Variants in PWWP2B observed in about 807,000 individuals in gnomAD.
PWWP2B encodes the protein PWWP domain containing 2B, also known as PWWP domain-containing protein 2B.
Under a neutral mutation model 15.5 loss-of-function variants are expected in PWWP2B, and 9 were observed. The observed-to-expected ratio is 0.58, with a 90% confidence interval of 0.35 to 1.02. PWWP2B has a LOEUF of 1.02. PWWP2B is among the 50% of genes least tolerant of loss of function. PWWP2B has a pLI of 0.02. For missense variants in PWWP2B, 864 were observed against 865.3 expected (o/e 1.00, Z 0.02); for synonymous variants, 474 against 403.6 (o/e 1.17, Z -2.09).
At position 132,405,166 on chromosome 10, in the gene PWWP2B, G is replaced by A; in HGVS notation, c.666G>A (p.Glu222=). 6.4e-7 allele frequency: 1 copy of A among 1,550,616 alleles called. No individual in the cohort carries two copies. The highest frequency in any genetic ancestry group is 8.7e-7 in the Non-Finnish European group (1 of 1,147,558). The change falls in exon 2 of 3, where the codon GAG becomes GAA. Residue 222 remains glutamate (E), a synonymous_variant. Transcript: ENST00000305233. The part of the protein sequence containing the change: ...LRKPEEPENG[E]PTAAATARRS... ...AGCCGGAGGAGCCGGAGAACGGCGA[G>A]CCCACGGCTGCGGCCACCGCCAGGA... is the stretch of plus-strand genomic sequence containing the variant.
At chr10:132,400,206 G>C (rs1381819098) in intron 1 of PWWP2B, among the ~76,000 whole-genome samples, 1 of 152,174 alleles carries the variant, frequency 6.6e-6, no homozygotes, top group African/African-American at 2.4e-5. Flanking sequence ...CTGCCCTTGG[G>C]GAGTGAGAGG....
In PWWP2B at chr10:132,405,542, G is replaced by C. The variant is rs751347680; in HGVS notation, c.1042G>C (p.Val348Leu). 30 of 1,604,416 alleles carry C rather than the reference G, an allele frequency of 1.9e-5. No homozygotes were observed. The highest frequency in any genetic ancestry group is 2.3e-5 in the Non-Finnish European group (27 of 1,178,942). Reference sequence around the variant, plus strand: ...TCTGGGGGACAGCGAGCACGAGCCCGTGTACCGGGCCGAGCTGGTGGGGGA... The same window carrying C: ...TCTGGGGGACAGCGAGCACGAGCCCCTGTACCGGGCCGAGCTGGTGGGGGA... ...HRLGDSEHEP[V>L]YRAELVGELN... The change falls in exon 2 of 3, where the codon GTG becomes CTG. Residue 348 changes from valine to leucine, a missense_variant. This residue lies in a region of PWWP2B where 736 missense variants were observed against 687.7 expected (regional missense o/e 1.07). Coordinates refer to ENST00000305233, the MANE Select transcript of PWWP2B (RefSeq NM_138499.4).
At chr10:132,404,555 C>A in intron 1 of PWWP2B, 71 bp from the exon 2 acceptor site, 1 of 1,378,924 alleles carries the variant, frequency 7.3e-7, no homozygotes, top group East Asian at 2.3e-5. Context: ...GGCCTTGGCT[C>A]TGGGGGCTGG....
At position 132,411,774 on chromosome 10, in the gene PWWP2B, G is replaced by A. The variant is rs145225358; in HGVS notation, c.*17-5287G>A. The stretch of plus-strand genomic sequence containing the variant: ...GAGTCTCCGGGCCAGAAGCAGCGAC[G>A]CCGCCGTCTCCAGGCTTCGGCTTTT... On this transcript the variant is annotated intron_variant, in intron 2 of 2. Transcript: ENST00000305233. Among the ~76,000 whole-genome samples the A allele has an allele frequency of 1.8e-3, 279 of 152,366 alleles. 2 individuals carry two copies. The highest frequency in any genetic ancestry group is 6.6e-3 in the African/African-American group (273 of 41,592).
At chr10:132,416,937 G>C (rs1034833216) in intron 2 of PWWP2B, 124 bp from the exon 3 acceptor site, 2 of 973,544 alleles carry the variant, frequency 2.1e-6, no homozygotes, top group Non-Finnish European at 3.3e-6. Context: ...CTGGGGGGCG[G>C]TGGAGGTCCC....
Position 132,406,243 on chromosome 10 carries a change from C to A in PWWP2B, c.1743C>A (p.Ile581=), listed in dbSNP as rs2069697097. The A allele has an allele frequency of 1.9e-6, 3 of 1,611,188 alleles. No individual in the cohort carries two copies. Among genetic ancestry groups the A allele is most frequent in the Non-Finnish European group, 2.5e-6 (3 of 1,178,462 alleles). Residue 581 remains isoleucine (I), a synonymous_variant, in exon 2 of 3, where the codon ATC becomes ATA. Transcript: ENST00000305233. ...ANAARHVAPE[I]RELLTQFET ...CCGCAAGACACGTGGCCCCGGAAAT[C>A]AGGGAGCTCTTAACCCAGTTTGAAA...
At chr10:132,414,782 C>T (rs762545184) in intron 2 of PWWP2B, among the ~76,000 whole-genome samples, 3 of 152,196 alleles carry the variant, frequency 2.0e-5, no homozygotes, top group South Asian at 4.1e-4. Context: ...ACAGAATCTG[C>T]GGGGTCGGAG....
At chr10:132,404,430 C>A (rs761863902) in intron 1 of PWWP2B, among the ~76,000 whole-genome samples, 196 bp from the exon 2 acceptor site, 8 of 152,160 alleles carry the variant, frequency 5.3e-5, no homozygotes, top group Non-Finnish European at 1.0e-4. Context: ...TCTTGCCCTG[C>A]TGTGTCCAAC....
chr10:132,408,294 C>T (rs960698080), intron 2 of PWWP2B, among the ~76,000 whole-genome samples: 9 of 152,350 alleles, frequency 5.9e-5, no homozygotes, highest in South Asian at 4.1e-4. Flanking sequence ...TGGGATCTCC[C>T]GCCCTCTGTG....
chr10:132,404,034 A>AGGACGGCATTCTTCT (rs2069647710), intron 1 of PWWP2B, among the ~76,000 whole-genome samples: 1 of 58,636 alleles, frequency 1.7e-5, no homozygotes, highest in African/African-American at 8.2e-5. Flanking sequence ...GGCATTCTCC[A>AGGACGGCATTCTTCT]GGGCTCCTGC....
intron 1 of PWWP2B, among the ~76,000 whole-genome samples, chr10:132,402,456 C>G (rs2069626625): frequency 6.6e-6 from 1 of 152,268 alleles, no homozygotes. Context: ...CCCCCAACAG[C>G]AAGGGGCCGT....
chr10:132,410,341 G>T (rs35169962), intron 2 of PWWP2B, among the ~76,000 whole-genome samples: 70,476 of 151,570 alleles, frequency 0.46, 16,643 homozygotes, highest in Non-Finnish European at 0.49. Context: ...CATCGGGGGG[G>T]ACCTGGGCCA....
intron 2 of PWWP2B, among the ~76,000 whole-genome samples, chr10:132,415,984 C>T (rs2069849317): frequency 1.3e-5 from 2 of 152,260 alleles, no homozygotes; most frequent in African/African-American, 4.8e-5. Flanking sequence ...TCACACGGCA[C>T]ACGCCTGCAG....
At chr10:132,410,765 C>T (rs1024952737) in intron 2 of PWWP2B, among the ~76,000 whole-genome samples, 23 of 152,196 alleles carry the variant, frequency 1.5e-4, no homozygotes, top group Non-Finnish European at 2.2e-4. Flanking sequence ...CGTGCTCCAC[C>T]GACGTGCGGA....
At position 132,405,545 on chromosome 10, in the gene PWWP2B, T is replaced by C; in HGVS notation, c.1045T>C (p.Tyr349His). ...GGGGGACAGCGAGCACGAGCCCGTG[T>C]ACCGGGCCGAGCTGGTGGGGGAGCT... ...RLGDSEHEPV[Y>H]RAELVGELNG... The change falls in exon 2 of 3, where the codon TAC becomes CAC. Residue 349 changes from tyrosine to histidine, a missense_variant. Tyr to His is a moderately conservative substitution (Grantham distance 83). This residue lies in a region of PWWP2B where 736 missense variants were observed against 687.7 expected (regional missense o/e 1.07). Coordinates refer to ENST00000305233, the MANE Select transcript of PWWP2B (RefSeq NM_138499.4). 1 of 1,604,796 alleles carries C rather than the reference T, an allele frequency of 6.2e-7. No homozygotes were observed. Among genetic ancestry groups the C allele is most frequent in the Non-Finnish European group, 8.5e-7 (1 of 1,178,928 alleles).
chr10:132,398,022 C>T (rs1383519212), intron 1 of PWWP2B, among the ~76,000 whole-genome samples: 1 of 152,172 alleles, frequency 6.6e-6, no homozygotes, highest in East Asian at 1.9e-4. Context: ...TGCAGGGACC[C>T]ATGCGGTGCA....
intron 2 of PWWP2B, among the ~76,000 whole-genome samples, chr10:132,407,194 G>C (rs2069712509): frequency 6.6e-6 from 1 of 152,152 alleles, no homozygotes; most frequent in Non-Finnish European, 1.5e-5. Flanking sequence ...AGCTCCAGAG[G>C]CCTTCTCAGC....
rs777738727 is a variant in PWWP2B, at chr10:132,406,070, C to T, written c.1570C>T (p.Arg524Ter). ...GQKEDGEPSWREAKVSWFGSP... is the reference protein window; with the variant it reads ...GQKEDGEPSW ...GAAGGAGGACGGAGAGCCGTCTTGGCGAGAAGCGAAGGTCTCGTGGTTTGG... is the reference window on the plus strand; with the variant it reads ...GAAGGAGGACGGAGAGCCGTCTTGGTGAGAAGCGAAGGTCTCGTGGTTTGG... The change falls in exon 2 of 3, where the codon CGA becomes TGA. Residue 524 changes from arginine to a stop codon, truncating the protein, a stop_gained. Coordinates refer to ENST00000305233, the MANE Select transcript of PWWP2B (RefSeq NM_138499.4). LOFTEE classifies it low-confidence loss of function (END_TRUNC). The T allele has an allele frequency of 6.2e-7, 1 of 1,613,608 alleles. No individual in the cohort carries two copies. The highest frequency in any genetic ancestry group is 1.7e-5 in the Admixed American group (1 of 60,022).
At chr10:132,416,745 G>T (rs983269089) in intron 2 of PWWP2B, among the ~76,000 whole-genome samples, 1 of 152,094 alleles carries the variant, frequency 6.6e-6, no homozygotes, top group Admixed American at 6.5e-5. Flanking sequence ...AGGCATGGTC[G>T]TCAGCCCCCA....
Sources: allele counts gnomAD v4.1 joint callset (sites outside exome capture counted in the v4.1 genomes callset), GRCh38; gene constraint gnomAD v4.1.1; regional missense constraint gnomAD v4.1.1; transcripts MANE v1.5; gene names NCBI Gene and HGNC (gene_info 2026-07-23, HGNC 2026-07-21).